SUSD5: variants seen among roughly 807,000 people sequenced by gnomAD.
The protein encoded by SUSD5 is sushi domain-containing protein 5.
In SUSD5, 33 loss-of-function variants were observed where a neutral mutation model predicts 29.5. The observed-to-expected ratio is 1.12, with a 90% CI of 0.85 to 1.49. SUSD5 has a LOEUF of 1.49. Among genes scored for constraint, SUSD5 ranks in the 40% most tolerant of loss-of-function variants. The pLI, the probability that SUSD5 is intolerant of heterozygous loss-of-function variation, is 0.00. For missense variants in SUSD5, 776 were observed against 800.6 expected, an observed-to-expected ratio of 0.97 and a Z score of 0.37; for synonymous variants, 308 against 325.3, an observed-to-expected ratio of 0.95 and a Z score of 0.57.
intron 4 of SUSD5, among the ~76,000 whole-genome samples, chr3:33,168,755 T>C (rs1164954135): frequency 6.6e-6 from 1 of 152,228 alleles, no homozygotes; most frequent in Non-Finnish European, 1.5e-5. Flanking sequence ...GTTCAAGTGA[T>C]TTCTGTGCCT....
At chr3:33,209,489 C>T (rs988199535) in intron 2 of SUSD5, among the ~76,000 whole-genome samples, 35 of 151,968 alleles carry the variant, frequency 2.3e-4, no homozygotes, top group South Asian at 6.2e-4. Flanking sequence ...TGGATATCTT[C>T]CTCTGAAATA....
intron 3 of SUSD5, among the ~76,000 whole-genome samples, chr3:33,197,640 C>A (rs2125628777): frequency 6.6e-6 from 1 of 152,264 alleles, no homozygotes; most frequent in East Asian, 1.9e-4. Flanking sequence ...CTACTCCATA[C>A]TACCCCAAGC....
intron 3 of SUSD5, among the ~76,000 whole-genome samples, chr3:33,197,623 C>T (rs1332716672): frequency 6.6e-6 from 1 of 152,110 alleles, no homozygotes; most frequent in African/African-American, 2.4e-5. Context: ...GCCCTAGACA[C>T]CCTCCCCTAC....
At chr3:33,188,117 TA>T (rs1198069050) in intron 3 of SUSD5, among the ~76,000 whole-genome samples, 1 of 152,198 alleles carries the variant, frequency 6.6e-6, no homozygotes, top group Admixed American at 6.5e-5. Flanking sequence ...TTTTTCAATT[TA>T]AAAGGGCACA....
chr3:33,153,035 A>G lies in SUSD5; in HGVS notation c.1597T>C (p.Phe533Leu), dbSNP rs1328383544. The G allele has an allele frequency of 6.2e-7, 1 of 1,613,812 alleles. No individual in the cohort carries two copies. Among genetic ancestry groups the G allele is most frequent in the Admixed American group, 1.7e-5 (1 of 59,996 alleles). The change falls in exon 5 of 5, where the codon TTC becomes CTC. Residue 533 changes from phenylalanine to leucine, a missense_variant. Transcript: ENST00000309558. ...ETTVPEIQDS[F>L]PYLLSEDFFG... ...AAGTCTTCAGACAGCAGGTATGGGAAGCTATCCTGGATCTCAGGAACAGTG... is the reference window on the plus strand; with the variant it reads ...AAGTCTTCAGACAGCAGGTATGGGAGGCTATCCTGGATCTCAGGAACAGTG...
chr3:33,183,596 T>C lies in SUSD5; in HGVS notation c.410-8522A>G, dbSNP rs939482440. Among the ~76,000 whole-genome samples, 4 of 152,200 alleles carry C rather than the reference T, an allele frequency of 2.6e-5. No individual in the cohort carries two copies. In the East Asian group the frequency reaches 7.7e-4, roughly 29 times the overall value. On this transcript the variant is annotated intron_variant, in intron 3 of 4. Coordinates refer to ENST00000309558, the MANE Select transcript of SUSD5 (RefSeq NM_015551.2). Reference sequence around the variant, plus strand: ...GGTGTCATTCAGTTCACTATTGAATTGCTGCTATTATTTTGTACAAACTAT... The same window carrying C: ...GGTGTCATTCAGTTCACTATTGAATCGCTGCTATTATTTTGTACAAACTAT...
chr3:33,216,577 A>G (rs2032431244), intron 1 of SUSD5, among the ~76,000 whole-genome samples: 1 of 151,980 alleles, frequency 6.6e-6, no homozygotes, highest in Non-Finnish European at 1.5e-5. Flanking sequence ...AGCTTCCCTC[A>G]CTCCAGGCTC....
At chr3:33,217,694 T>C (rs2032449410) in intron 1 of SUSD5, among the ~76,000 whole-genome samples, 2 of 152,124 alleles carry the variant, frequency 1.3e-5, no homozygotes, top group Admixed American at 6.5e-5. Context: ...ACCATGCTTT[T>C]TTTTTTTTTC....
intron 3 of SUSD5, among the ~76,000 whole-genome samples, chr3:33,203,408 C>T (rs762345351): frequency 2.0e-4 from 31 of 152,304 alleles, no homozygotes; most frequent in Non-Finnish European, 3.5e-4. Flanking sequence ...AGCTTCCTCA[C>T]CAATTAGGCC....
At chr3:33,163,725 C>T (rs575156514) in intron 4 of SUSD5, among the ~76,000 whole-genome samples, 3 of 152,084 alleles carry the variant, frequency 2.0e-5, no homozygotes, top group Non-Finnish European at 2.9e-5. Flanking sequence ...TGGCCGGGTG[C>T]GGTGGCTCAC....
In SUSD5 at chr3:33,179,224, A is replaced by T. The variant is rs181230863; in HGVS notation, c.410-4150T>A. 4.3e-4 allele frequency among the ~76,000 whole-genome samples: 66 copies of T among 152,330 alleles called. 1 individual carries two copies. The highest frequency in any genetic ancestry group is 7.3e-5 in the Non-Finnish European group (5 of 68,032). On this transcript the variant is annotated intron_variant, in intron 3 of 4. Coordinates refer to ENST00000309558, the MANE Select transcript of SUSD5 (RefSeq NM_015551.2). ...GAGTTGTTCATAATATTCCTTTATT[A>T]TCCTTTTAATGTCCATAGGATCTGT...
At chr3:33,187,044 A>T (rs1459989168) in intron 3 of SUSD5, among the ~76,000 whole-genome samples, 1 of 152,184 alleles carries the variant, frequency 6.6e-6, no homozygotes, top group East Asian at 1.9e-4. Context: ...ACCAAATTCC[A>T]GCTGGTATCT....
intron 1 of SUSD5, among the ~76,000 whole-genome samples, chr3:33,215,596 A>G (rs933422621): frequency 1.3e-5 from 2 of 151,984 alleles, no homozygotes; most frequent in Non-Finnish European, 2.9e-5. Flanking sequence ...TTTATAGTTA[A>G]GGTTTAGTAT....
chr3:33,205,812 C>T (rs1002608685), intron 3 of SUSD5, among the ~76,000 whole-genome samples: 1 of 152,184 alleles, frequency 6.6e-6, no homozygotes, highest in African/African-American at 2.4e-5. Flanking sequence ...TAAGTCCCAC[C>T]AAGTCTGGCA....
chr3:33,201,891 C>T (rs1015784712), intron 3 of SUSD5, among the ~76,000 whole-genome samples: 2 of 152,158 alleles, frequency 1.3e-5, no homozygotes, highest in Admixed American at 1.3e-4. Flanking sequence ...CACCTATTAT[C>T]CCCTCAACTT....
chr3:33,174,547 C>CT (rs2031503201), intron 4 of SUSD5, among the ~76,000 whole-genome samples: 1 of 152,184 alleles, frequency 6.6e-6, no homozygotes, highest in Non-Finnish European at 1.5e-5. Context: ...AGCAATGCTG[C>CT]TTTGTACCAC....
chr3:33,208,734 T>C (rs2032268947), intron 2 of SUSD5, among the ~76,000 whole-genome samples: 1 of 152,184 alleles, frequency 6.6e-6, no homozygotes, highest in Non-Finnish European at 1.5e-5. Flanking sequence ...TTCTTTGACT[T>C]ATTGAAATGT....
intron 3 of SUSD5, among the ~76,000 whole-genome samples, chr3:33,205,220 T>C (rs964750587): frequency 5.3e-5 from 8 of 152,222 alleles, no homozygotes; most frequent in African/African-American, 1.9e-4. Context: ...ATTCATAATC[T>C]GTATTCAAAT....
At position 33,150,943 on chromosome 3, in the gene SUSD5, T is replaced by C. The variant is rs191820062; in HGVS notation, c.*1799A>G. The C allele has an allele frequency of 6.6e-6, 1 of 152,340 alleles. No individual in the cohort carries two copies. Among genetic ancestry groups the C allele is most frequent in the African/African-American group, 2.4e-5 (1 of 41,574 alleles). The allele number at this position is 152,340 out of a possible 1,614,324, so 9.4% of individuals were successfully genotyped here. The stretch of plus-strand genomic sequence containing the variant: ...CTGATAACTATTTCTAAGAAGGTGA[T>C]TCATATTAGAAAAATATAACATGTT... On this transcript the variant is annotated 3_prime_UTR_variant, in exon 5 of 5. Transcript: ENST00000309558.
Sources: allele counts gnomAD v4.1 joint callset (sites outside exome capture counted in the v4.1 genomes callset), GRCh38; gene constraint gnomAD v4.1.1; transcripts MANE v1.5; gene names NCBI Gene and HGNC (gene_info 2026-07-23, HGNC 2026-07-21).